KCNIP1: variants seen among roughly 807,000 people sequenced by gnomAD.
The protein encoded by KCNIP1 is A-type potassium channel modulatory protein KCNIP1.
In KCNIP1, 18 loss-of-function variants were observed where a neutral mutation model predicts 33.0. The ratio of observed to expected loss-of-function variants is 0.55; its 90% confidence interval spans 0.38 to 0.81. The LOEUF (loss-of-function observed/expected upper bound fraction) is 0.81, where lower values mean the gene tolerates loss of function less well. KCNIP1 is among the 30% of genes least tolerant of loss of function. The probability of loss-of-function intolerance (pLI) is 0.00; values close to 1 mark genes in which losing one functional copy is unlikely to be tolerated. For missense variants in KCNIP1, 238 were observed against 271.6 expected, an observed-to-expected ratio of 0.88 and a Z score of 0.87; for synonymous variants, 93 against 98.3, an observed-to-expected ratio of 0.95 and a Z score of 0.32.
intron 1 of KCNIP1, chr5:170,681,521 A>G (rs1017805739): frequency 5.0e-5 from 9 of 178,886 alleles, no homozygotes; most frequent in Non-Finnish European, 1.0e-4. Flanking sequence ...GTAACTACGT[A>G]TATTGTTGAT....
Position 170,446,735 on chromosome 5 carries a change from C to T in KCNIP1, c.88+92771C>T, listed in dbSNP as rs187592633. On this transcript the variant is annotated intron_variant, in intron 1 of 7. Coordinates refer to the KCNIP1 transcript ENST00000377360. ...GGGATTACAGGCATGAGGCACTGCA[C>T]CCAGCCTCAACTTCTCCCACTTCTA... Among the ~76,000 whole-genome samples the T allele has an allele frequency of 9.2e-5, 14 of 152,324 alleles. No individual in the cohort carries two copies. In the East Asian group the frequency reaches 2.3e-3, roughly 25 times the overall value.
rs10475951 is a variant in KCNIP1 at position 170,717,290 on chromosome 5, C to A, written c.62-1468C>A. 3.3e-5 allele frequency among the ~76,000 whole-genome samples: 5 copies of A among 151,986 alleles called. No individual in the cohort carries two copies. The East Asian group carries it at 9.7e-4, about 29-fold the overall frequency. On this transcript the variant is annotated intron_variant, in intron 1 of 7. Transcript: ENST00000328939. ...TTTTGAGAATAAGCCCTTTCATTTA[C>A]GTAGAAATGCTTCAGCGTTTAGATA...
In KCNIP1 at chr5:170,511,779, G is replaced by A. The variant is rs527991795; in HGVS notation, c.61+7146G>A. On this transcript the variant is annotated intron_variant, in intron 1 of 7. Transcript: ENST00000328939. Reference sequence around the variant, plus strand: ...TGCCTTACTAAGGGTCATAGAGCTTGGGAATCGCAGAGCCTGGTTCTGGTT... The same window carrying A: ...TGCCTTACTAAGGGTCATAGAGCTTAGGAATCGCAGAGCCTGGTTCTGGTT... 1.0e-3 allele frequency among the ~76,000 whole-genome samples: 153 copies of A among 152,302 alleles called. 1 individual carries two copies. Among genetic ancestry groups the A allele is most frequent in the Non-Finnish European group, 1.2e-3 (83 of 68,022 alleles).
intron 1 of KCNIP1, among the ~76,000 whole-genome samples, chr5:170,365,889 A>G (rs1167469489): frequency 6.6e-6 from 1 of 152,130 alleles, no homozygotes; most frequent in Non-Finnish European, 1.5e-5. Context: ...GTGTCAAATT[A>G]AGGATTCAAC....
At chr5:170,586,613 C>CCCTCATCTT (rs1758000632) in intron 1 of KCNIP1, among the ~76,000 whole-genome samples, 1 of 152,194 alleles carries the variant, frequency 6.6e-6, no homozygotes, top group Non-Finnish European at 1.5e-5. Context: ...GGGTCTCAGT[C>CCCTCATCTT]CCTCATCTTC....
intron 1 of KCNIP1, among the ~76,000 whole-genome samples, chr5:170,401,250 T>TA (rs1475110755): frequency 2.0e-5 from 3 of 152,236 alleles, no homozygotes; most frequent in Non-Finnish European, 4.4e-5. Context: ...AGAGGCTTTT[T>TA]AATCCCCTTT....
intron 1 of KCNIP1, among the ~76,000 whole-genome samples, chr5:170,708,057 G>T (rs545469374): frequency 6.6e-6 from 1 of 152,270 alleles, no homozygotes; most frequent in East Asian, 1.9e-4. Context: ...CTGATGAGTT[G>T]TGTGCACTGT....
intron 1 of KCNIP1, among the ~76,000 whole-genome samples, chr5:170,371,464 G>C (rs532648016): frequency 6.6e-6 from 1 of 152,126 alleles, no homozygotes; most frequent in African/African-American, 2.4e-5. Context: ...TTTTGATATG[G>C]GGTAAAGACA....
upstream of KCNIP1, among the ~76,000 whole-genome samples, chr5:170,503,792 A>G (rs1452058839): frequency 6.8e-6 from 1 of 146,374 alleles, no homozygotes; most frequent in Non-Finnish European, 1.5e-5. Flanking sequence ...CCTGGGGCCA[A>G]TCTACTGCCC....
At chr5:170,496,075 G>A (rs989790945) in intron 1 of KCNIP1, among the ~76,000 whole-genome samples, 1 of 152,140 alleles carries the variant, frequency 6.6e-6, no homozygotes, top group African/African-American at 2.4e-5. Context: ...GCAGCGGCAG[G>A]GTTACTGTTC....
At chr5:170,396,318 G>A (rs1581150561) in intron 1 of KCNIP1, among the ~76,000 whole-genome samples, 1 of 152,166 alleles carries the variant, frequency 6.6e-6, no homozygotes, top group African/African-American at 2.4e-5. Context: ...AAGGAACTGG[G>A]GAATGGACTG....
At chr5:170,718,974 C>T in intron 2 of KCNIP1, 92 bp downstream of exon 2, 2 of 1,503,882 alleles carry the variant, frequency 1.3e-6, no homozygotes, top group South Asian at 2.4e-5. Flanking sequence ...AGGCGTTTCC[C>T]ATATGTGAGG....
intron 1 of KCNIP1, among the ~76,000 whole-genome samples, chr5:170,665,175 A>T (rs944384225): frequency 5.3e-5 from 8 of 152,234 alleles, no homozygotes; most frequent in Non-Finnish European, 8.8e-5. Context: ...TTTAAAGAAC[A>T]GACCCAGTGG....
chr5:170,545,477 T>G (rs564471890), intron 1 of KCNIP1, among the ~76,000 whole-genome samples: 104 of 152,322 alleles, frequency 6.8e-4, no homozygotes, highest in South Asian at 3.1e-3. Context: ...CAGTTTCTCT[T>G]CTTGCCTTCT....
At chr5:170,560,970 T>C (rs1427206073) in intron 1 of KCNIP1, 2 of 359,134 alleles carry the variant, frequency 5.6e-6, no homozygotes, top group Non-Finnish European at 1.1e-5. Context: ...CAAGAAGGAG[T>C]CCCCTCTGGG....
chr5:170,375,967 A>G (rs1483279158), intron 1 of KCNIP1: 2 of 152,212 alleles, frequency 1.3e-5, no homozygotes, highest in Non-Finnish European at 2.9e-5. Context: ...CCAAGTCCAC[A>G]TACTTAGCCA....
At chr5:170,712,292 G>C (rs1360332299) in intron 1 of KCNIP1, among the ~76,000 whole-genome samples, 6 of 152,158 alleles carry the variant, frequency 3.9e-5, no homozygotes, top group African/African-American at 1.4e-4. Context: ...AGCTTAATGG[G>C]GGAAGAAAGA....
At chr5:170,434,249 TTAAG>T (rs150313881) in intron 1 of KCNIP1, among the ~76,000 whole-genome samples, 3,329 of 152,310 alleles carry the variant, frequency 0.022, 106 homozygotes, top group Admixed American at 0.083. Context: ...AAGATTCATA[TTAAG>T]TGAGAATTAC....
At chr5:170,455,576 G>A (rs892134785) in intron 1 of KCNIP1, among the ~76,000 whole-genome samples, 10 of 152,150 alleles carry the variant, frequency 6.6e-5, no homozygotes, top group African/African-American at 1.2e-4. Flanking sequence ...AACAAGCTTC[G>A]ATAATTTAAA....
Sources: gnomAD v4.1 joint callset for allele counts (sites outside exome capture counted in the v4.1 genomes callset) on GRCh38, gnomAD v4.1.1 for gene constraint, MANE v1.5 for transcripts, NCBI Gene and HGNC (gene_info 2026-07-23, HGNC 2026-07-21) for gene names.